The following DYNC2H1 variants were observed in gnomAD, a reference collection of about 807,000 sequenced individuals.
DYNC2H1 encodes dynein cytoplasmic 2 heavy chain 1, also known as cytoplasmic dynein 2 heavy chain 1.
DYNC2H1 carries 410 observed loss-of-function variants against 570.0 expected under a neutral mutation model. The ratio of observed to expected loss-of-function variants is 0.72; its 90% CI spans 0.66 to 0.78. DYNC2H1 has a LOEUF of 0.78. Ranked by LOEUF, DYNC2H1 falls within the 30% of genes least tolerant of loss-of-function variation. The pLI is 0.00. For missense variants in DYNC2H1, 4,865 were observed against 5,046.4 expected (o/e 0.96, Z 1.09); for synonymous variants, 1,688 against 1,677.6 (o/e 1.01, Z -0.15).
intron 79 of DYNC2H1, among the ~76,000 whole-genome samples, chr11:103,315,942 A>G (rs187666034): frequency 3.3e-5 from 5 of 152,168 alleles, no homozygotes; most frequent in Non-Finnish European, 5.9e-5. Context: ...AATATATTTT[A>G]ATTTGAACTT....
rs192391387 is a variant in DYNC2H1, at chr11:103,352,741, G to A, written c.12040-5502G>A. Among the ~76,000 whole-genome samples the A allele has an allele frequency of 2.8e-3, 427 of 152,276 alleles. 1 individual carries two copies. Among genetic ancestry groups the A allele is most frequent in the African/African-American group, 4.4e-3 (183 of 41,566 alleles). On this transcript the variant is annotated intron_variant, in intron 82 of 88. Transcript: ENST00000375735. ...TGACCCTTGTGGAAGACAGTGTGGC[G>A]ATTCCTCAAAGATCTAGAACCAGAA...
At chr11:103,382,099 C>G (rs949552157) in intron 83 of DYNC2H1, among the ~76,000 whole-genome samples, 1 of 131,176 alleles carries the variant, frequency 7.6e-6, no homozygotes, top group Non-Finnish European at 1.7e-5. Flanking sequence ...TACGTACCAG[C>G]TACCACCCAG....
chr11:103,368,723 G>A (rs313371), intron 83 of DYNC2H1, among the ~76,000 whole-genome samples: 84,059 of 151,992 alleles, frequency 0.55, 24,999 homozygotes, highest in Admixed American at 0.66. Flanking sequence ...CATAGTTTGA[G>A]GTCTTTAATT....
rs554872480 is a variant in DYNC2H1, at chr11:103,297,984, A to C, written c.11096-5109A>C. On this transcript the variant is annotated intron_variant, in intron 75 of 88. Transcript: ENST00000375735. ...TATATAAGCGAGATTATTACCATTC[A>C]GGCTTCTATCCTTCCCCACTTTAAG... Among the ~76,000 whole-genome samples, 7 of 152,208 alleles carry C rather than the reference A, an allele frequency of 4.6e-5. No homozygotes were observed. The East Asian group carries it at 1.4e-3, about 29-fold the overall frequency.
intron 81 of DYNC2H1, among the ~76,000 whole-genome samples, chr11:103,323,462 G>C (rs1372784427): frequency 8.0e-6 from 1 of 125,564 alleles, no homozygotes; most frequent in African/African-American, 2.6e-5. Context: ...TAGATTGCCT[G>C]AATATATAAA....
chr11:103,256,347 G>C lies in DYNC2H1; in HGVS notation c.10461+107G>C. On this transcript the variant is annotated intron_variant, in intron 68 of 88. Coordinates refer to ENST00000375735, the MANE Select transcript of DYNC2H1 (RefSeq NM_001377.3). This position sits in a 1 kb window ranked among gnomAD's most constrained non-coding sequence, Gnocchi z 4.0. The stretch of plus-strand genomic sequence containing the variant: ...CCTCAGGGGAAAGATGATGTGAAAA[G>C]AAAAAAGCTATTCAAAAACATCAGA... 5 of 1,149,778 alleles carry C rather than the reference G, an allele frequency of 4.3e-6. No homozygotes were observed. The highest frequency in any genetic ancestry group is 4.8e-6 in the Non-Finnish European group (4 of 828,958). The allele number at this position is 1,149,778 out of a possible 1,614,324, so 71.2% of individuals were successfully genotyped here.
In DYNC2H1 at chr11:103,116,709, T is replaced by C. The variant is rs759701772; in HGVS notation, c.761T>C (p.Ile254Thr). 3 of 1,580,294 alleles carry C rather than the reference T, an allele frequency of 1.9e-6. No homozygotes were observed. The highest frequency in any genetic ancestry group is 1.9e-5 in the Admixed American group (1 of 53,196). The change falls in exon 5 of 89, where the codon ATC becomes ACC. Residue 254 changes from isoleucine (I) to threonine (T), a missense_variant. Ile to Thr is a moderately conservative substitution (Grantham distance 89, BLOSUM62 -1). Around this residue, in one of 5 missense-constraint regions of DYNC2H1, gnomAD observed 1,936 missense variants for 1,962.1 expected, o/e 0.99. Transcript: ENST00000375735. ...PESRMLHLLD[I>T]IGGSFGRFVQ... ...TCACGAATGTTGCATCTCTTAGACA[T>C]CATAGGTACTAGTAAAAAAATGAAC...
chr11:103,115,524 A>C (rs1235522642), intron 4 of DYNC2H1, among the ~76,000 whole-genome samples: 1 of 152,196 alleles, frequency 6.6e-6, no homozygotes, highest in African/African-American at 2.4e-5. Context: ...ACGCCTGGGC[A>C]TGGTGACTCA....
At chr11:103,273,042 T>C (rs1435457443) in intron 70 of DYNC2H1, among the ~76,000 whole-genome samples, 1 of 152,038 alleles carries the variant, frequency 6.6e-6, no homozygotes, top group Non-Finnish European at 1.5e-5. Context: ...GATACCAAAA[T>C]ATTTGCTCAA....
intron 78 of DYNC2H1, among the ~76,000 whole-genome samples, chr11:103,308,180 T>C (rs983794573): frequency 1.3e-5 from 2 of 152,180 alleles, no homozygotes; most frequent in African/African-American, 2.4e-5. Flanking sequence ...GAAGAGCAAC[T>C]CTTCATTTTG....
chr11:103,256,415 T>C lies in DYNC2H1; in HGVS notation c.10461+175T>C, dbSNP rs1865059554. Among the ~76,000 whole-genome samples the C allele has an allele frequency of 1.3e-5, 2 of 152,186 alleles. No individual in the cohort carries two copies. The highest frequency in any genetic ancestry group is 1.3e-4 in the Admixed American group (2 of 15,282). ...AGTTATTGTAGAGAGGGAATTCAGA[T>C]GTTGGCACACTGAGGATAAGGAGTG... On this transcript the variant is annotated intron_variant, in intron 68 of 88. Transcript: ENST00000375735. The surrounding 1 kb of genome is among the most constrained non-coding windows in gnomAD (Gnocchi z 4.0).
rs375159499 is a variant in DYNC2H1, at chr11:103,168,814, G to A, written c.4822G>A (p.Asp1608Asn). 28 of 1,613,098 alleles carry A rather than the reference G, an allele frequency of 1.7e-5. No individual in the cohort carries two copies. The highest frequency in any genetic ancestry group is 5.3e-5 in the African/African-American group (4 of 74,862). The change falls in exon 32 of 89, where the codon GAT becomes AAT. Residue 1608 changes from aspartate (D) to asparagine (N), a missense_variant. Physicochemically the swap from Asp to Asn is conservative, Grantham distance 23. Coordinates refer to ENST00000375735, the MANE Select transcript of DYNC2H1 (RefSeq NM_001377.3). The part of the protein sequence containing the change: ...ALILDIIHNI[D>N]VVKQLNQIQV... ...AATTCTTGACATTATCCATAATATT[G>A]ATGTGGTAAAGCAGTTAAACCAAAT...
chr11:103,163,334 A>G lies in DYNC2H1; in HGVS notation c.4611+187A>G, dbSNP rs575366355. Among the ~76,000 whole-genome samples, 28 of 152,270 alleles carry G rather than the reference A, an allele frequency of 1.8e-4. No homozygotes were observed. In the Middle Eastern group the frequency reaches 0.017, roughly 92 times the overall value. ...AATGTGGGGGATGAATTGAGATCCA[A>G]GCAACCTAGGCCAGTGGTGAGTAGG... On this transcript the variant is annotated intron_variant, in intron 30 of 88. Coordinates refer to ENST00000375735, the MANE Select transcript of DYNC2H1 (RefSeq NM_001377.3). This position sits in a 1 kb window ranked among gnomAD's most constrained non-coding sequence, Gnocchi z 4.6.
At chr11:103,218,380 G>A (rs1863462332) in intron 55 of DYNC2H1, among the ~76,000 whole-genome samples, 1 of 152,102 alleles carries the variant, frequency 6.6e-6, no homozygotes. Context: ...GACCTGGTAA[G>A]TAATACATCA....
At chr11:103,473,819 C>T (rs1945466540) in intron 88 of DYNC2H1, among the ~76,000 whole-genome samples, 2 of 152,186 alleles carry the variant, frequency 1.3e-5, no homozygotes, top group East Asian at 3.9e-4. Flanking sequence ...CACAGTAGTC[C>T]TGAGCCAGCC....
chr11:103,197,818 C>A, intron 47 of DYNC2H1, 115 bp from the exon 48 acceptor site: 1 of 1,189,662 alleles, frequency 8.4e-7, no homozygotes, highest in Non-Finnish European at 1.2e-6. Flanking sequence ...CTTTGCCCTT[C>A]TGGAGATGAT....
In DYNC2H1 at chr11:103,185,559, G is replaced by A. The variant is rs1052982359; in HGVS notation, c.6633+508G>A. Reference sequence around the variant, plus strand: ...CCAATTGACCTCTACTGAAATTATTGGACATTTATTCCTTTGGGTTGGCTC... The same window carrying A: ...CCAATTGACCTCTACTGAAATTATTAGACATTTATTCCTTTGGGTTGGCTC... On this transcript the variant is annotated intron_variant, in intron 41 of 88. Coordinates refer to ENST00000375735, the MANE Select transcript of DYNC2H1 (RefSeq NM_001377.3). The surrounding 1 kb of genome is among the most constrained non-coding windows in gnomAD (Gnocchi z 4.5). Among the ~76,000 whole-genome samples the A allele has an allele frequency of 1.3e-5, 2 of 149,714 alleles. No homozygotes were observed. The highest frequency in any genetic ancestry group is 3.0e-5 in the Non-Finnish European group (2 of 67,374).
intron 84 of DYNC2H1, among the ~76,000 whole-genome samples, chr11:103,435,485 T>G (rs1213690652): frequency 6.6e-6 from 1 of 152,126 alleles, no homozygotes; most frequent in Non-Finnish European, 1.5e-5. Flanking sequence ...TATTTTTAAT[T>G]TCATGTACTC....
At chr11:103,375,160 T>C (rs966716012) in intron 83 of DYNC2H1, among the ~76,000 whole-genome samples, 2 of 152,184 alleles carry the variant, frequency 1.3e-5, no homozygotes, top group Admixed American at 1.3e-4. Context: ...GCCTCAAGCC[T>C]TGGCAACTTC....
Sources: gnomAD v4.1 joint callset for allele counts (sites outside exome capture counted in the v4.1 genomes callset) on GRCh38, gnomAD v4.1.1 for gene constraint, gnomAD v4.1.1 regional missense constraint, Gnocchi (gnomAD v3.1) non-coding constraint, MANE v1.5 for transcripts, NCBI Gene and HGNC (gene_info 2026-07-23, HGNC 2026-07-21) for gene names.